TRIM66: variants seen among roughly 807,000 people sequenced by gnomAD.
TRIM66 encodes tripartite motif containing 66.
TRIM66 carries 99 observed loss-of-function variants against 148.2 expected under a neutral mutation model. The observed-to-expected ratio is 0.67, with a 90% CI of 0.57 to 0.79. The LOEUF is 0.79. Among genes scored for constraint, TRIM66 ranks in the 30% least tolerant of loss-of-function variants. The pLI, the probability that TRIM66 is intolerant of heterozygous loss-of-function variation, is 0.00. For missense variants in TRIM66, 1,666 were observed against 1,697.9 expected (o/e 0.98, Z 0.33); for synonymous variants, 616 against 635.9 (o/e 0.97, Z 0.47).
intron 3 of TRIM66, among the ~76,000 whole-genome samples, chr11:8,677,920 T>A (rs1008399772): frequency 6.6e-6 from 1 of 152,202 alleles, no homozygotes; most frequent in South Asian, 2.1e-4. Context: ...ATTAGATTAT[T>A]TTTACTTTGT....
At position 8,641,039 on chromosome 11, in the gene TRIM66, C is replaced by T; in HGVS notation, c.1336G>A (p.Glu446Lys). 6.4e-7 allele frequency: 1 copy of T among 1,551,662 alleles called. No homozygotes were observed. Among genetic ancestry groups the T allele is most frequent in the Non-Finnish European group, 8.7e-7 (1 of 1,146,992 alleles). Residue 446 changes from glutamate (E) to lysine (K), a missense_variant, in exon 14 of 25, where the codon GAG becomes AAG. This residue lies in a region of TRIM66 where 1,431 missense variants were observed against 1,412.4 expected (regional missense o/e 1.01). Transcript: ENST00000646038. The stretch of plus-strand genomic sequence containing the variant: ...TTGTGTGAGGGGTGGCTAAGAGCCT[C>T]TTGCTGAGCCACTGGAGACTGGTGG... Reference protein sequence around the residue: ...QSHQSPVAQQEALSHPSHKFQ... With the variant: ...QSHQSPVAQQKALSHPSHKFQ...
chr11:8,681,262 T>G (rs55931237), intron 1 of TRIM66, among the ~76,000 whole-genome samples: 4,369 of 151,612 alleles, frequency 0.029, 212 homozygotes, highest in African/African-American at 0.1. Flanking sequence ...GCCTCCCGAG[T>G]AGCTGGGACT....
At chr11:8,627,816 G>A (rs541445569) in intron 15 of TRIM66, among the ~76,000 whole-genome samples, 1 of 152,224 alleles carries the variant, frequency 6.6e-6, no homozygotes, top group African/African-American at 2.4e-5. Flanking sequence ...GTGCATCCAT[G>A]AATAGTAAGT....
Position 8,617,733 on chromosome 11 carries a change from C to A in TRIM66, c.*211G>T. ...CTCTGGTAATAATAAATACCTTCCTCTTTCCTGTTTATTACTGAAATCTTC... is the reference window on the plus strand; with the variant it reads ...CTCTGGTAATAATAAATACCTTCCTATTTCCTGTTTATTACTGAAATCTTC... On this transcript the variant is annotated 3_prime_UTR_variant, in exon 25 of 25. Transcript: ENST00000646038. 1 of 553,666 alleles carries A rather than the reference C, an allele frequency of 1.8e-6. No homozygotes were observed. The highest frequency in any genetic ancestry group is 2.8e-5 in the East Asian group (1 of 35,170). 34.3% of individuals were successfully genotyped at this position (553,666 alleles called of 1,614,324 possible).
At chr11:8,680,308 A>G (rs2039351043) in intron 1 of TRIM66, among the ~76,000 whole-genome samples, 1 of 152,220 alleles carries the variant, frequency 6.6e-6, no homozygotes, top group African/African-American at 2.4e-5. Flanking sequence ...TGATCAAGTA[A>G]AAGAATGAAA....
chr11:8,670,106 G>A (rs978831936), intron 6 of TRIM66, among the ~76,000 whole-genome samples: 2 of 151,142 alleles, frequency 1.3e-5, no homozygotes, highest in African/African-American at 4.9e-5. Context: ...TCCACCTCCT[G>A]GGTTCAAGTG....
intron 4 of TRIM66, among the ~76,000 whole-genome samples, chr11:8,673,149 C>T (rs572602704): frequency 1.4e-5 from 2 of 147,664 alleles, no homozygotes; most frequent in South Asian, 2.2e-4. Context: ...ACCGTGGTCT[C>T]GATCTCCTGA....
In TRIM66 at chr11:8,652,009, C is replaced by T. The variant is rs530417449; in HGVS notation, c.341-106G>A. The T allele has an allele frequency of 1.9e-5, 16 of 841,824 alleles. No homozygotes were observed. In the African/African-American group the frequency reaches 2.4e-4, roughly 13 times the overall value. 52.1% of individuals were successfully genotyped at this position (841,824 alleles called of 1,614,324 possible). A position where few individuals can be genotyped will look rare whatever the true frequency, so the allele number is the denominator to read the frequency against. ...ACAACACCAAGATACATGGCAATAC[C>T]CATGTGTGCCAAAATGAACTACACT... On this transcript the variant is annotated intron_variant, in intron 6 of 24. Coordinates refer to ENST00000646038, the MANE Select transcript of TRIM66 (RefSeq NM_001388022.1).
chr11:8,617,260 C>T lies in TRIM66; in HGVS notation c.*684G>A, dbSNP rs978610824. 6.6e-6 allele frequency: 1 copy of T among 152,594 alleles called. No individual in the cohort carries two copies. The highest frequency in any genetic ancestry group is 1.5e-5 in the Non-Finnish European group (1 of 68,142). The allele number at this position is 152,594 out of a possible 1,614,324, so 9.5% of individuals were successfully genotyped here. The stretch of plus-strand genomic sequence containing the variant: ...AAGTGGTCTCTCCACAGCCACCCAG[C>T]TCAGTCAAGAATGTCACACCATCCA... On this transcript the variant is annotated 3_prime_UTR_variant, in exon 25 of 25. Transcript: ENST00000646038.
chr11:8,667,257 A>G (rs1327495048), intron 6 of TRIM66, among the ~76,000 whole-genome samples: 1 of 152,218 alleles, frequency 6.6e-6, no homozygotes, highest in African/African-American at 2.4e-5. Context: ...CCTAGAAGAA[A>G]ACAGAGGGGA....
In TRIM66 at chr11:8,613,207, C is replaced by G. The variant is rs977099683; in HGVS notation, c.*4737G>C. On this transcript the variant is annotated 3_prime_UTR_variant, in exon 25 of 25. Transcript: ENST00000646038. Reference sequence around the variant, plus strand: ...AGACCACAGACAGCCACAGACATTTCCCCCATCTAGGTTTCAAGGACAGCT... The same window carrying G: ...AGACCACAGACAGCCACAGACATTTGCCCCATCTAGGTTTCAAGGACAGCT... 3.3e-5 allele frequency: 5 copies of G among 152,200 alleles called. No individual in the cohort carries two copies. Among genetic ancestry groups the G allele is most frequent in the African/African-American group, 1.2e-4 (5 of 41,432 alleles). The allele number at this position is 152,200 out of a possible 1,614,324, so 9.4% of individuals were successfully genotyped here.
In TRIM66 at chr11:8,621,272, C is replaced by T; in HGVS notation, c.3305G>A (p.Gly1102Glu). ...SEATQAPGLE[G>E]RKVTVTSLAG... is the part of the protein sequence containing the mutation. Reference sequence around the variant, plus strand: ...CAAAGAAGTGACAGTGACCTTTCTTCCCTCCAGACCTGGGGCCTGGGTGGC... The same window carrying T: ...CAAAGAAGTGACAGTGACCTTTCTTTCCTCCAGACCTGGGGCCTGGGTGGC... The change falls in exon 20 of 25, where the codon GGA becomes GAA. Residue 1102 changes from glycine (G) to glutamate (E), a missense_variant. Physicochemically the swap from Gly to Glu is moderately conservative, Grantham distance 98. Transcript: ENST00000646038. 1.3e-6 allele frequency: 2 copies of T among 1,551,682 alleles called. No individual in the cohort carries two copies. The highest frequency in any genetic ancestry group is 1.7e-6 in the Non-Finnish European group (2 of 1,146,984).
rs756850836 is a variant in TRIM66, at chr11:8,618,894, C to T, written c.3975G>A (p.Pro1325=). 46 of 1,551,250 alleles carry T rather than the reference C, an allele frequency of 3.0e-5. No homozygotes were observed. Among genetic ancestry groups the T allele is most frequent in the South Asian group, 8.3e-5 (7 of 84,054 alleles). ...GCCTTGGCTGGGCAAACCGTTTCTC[C>T]GGGTAGATCTCCTTCAACCAGCCCT... ...FFEGWLKEIY[P]EKRFAQPRQE... Residue 1325 remains proline (P), a synonymous_variant, in exon 24 of 25, where the codon CCG becomes CCA. Coordinates refer to ENST00000646038, the MANE Select transcript of TRIM66 (RefSeq NM_001388022.1).
chr11:8,624,282 CCT>C (rs2034593922), intron 17 of TRIM66, 75 bp downstream of exon 17: 1 of 1,464,238 alleles, frequency 6.8e-7, no homozygotes, highest in Non-Finnish European at 9.2e-7. Context: ...TGTCTGCTGG[CCT>C]CTCTTACCTA....
At chr11:8,621,479 C>T (rs2034207794) in intron 19 of TRIM66, among the ~76,000 whole-genome samples, 158 bp from the exon 20 acceptor site, 1 of 152,174 alleles carries the variant, frequency 6.6e-6, no homozygotes, top group South Asian at 2.1e-4. Context: ...CACCTCACTC[C>T]TAATATGCAT....
intron 8 of TRIM66, among the ~76,000 whole-genome samples, chr11:8,649,086 C>T (rs888869371): frequency 6.6e-6 from 1 of 152,228 alleles, no homozygotes; most frequent in African/African-American, 2.4e-5. Flanking sequence ...CGCCTGTAAT[C>T]GCAGCACTTT....
At chr11:8,682,733 G>T, upstream of TRIM66, 1 of 1,571,468 alleles carries the variant, frequency 6.4e-7, no homozygotes, top group Non-Finnish European at 8.8e-7. Flanking sequence ...GTGACCGGAA[G>T]TGAGGCGTTT....
At chr11:8,662,632 C>T (rs1240637209) in intron 6 of TRIM66, among the ~76,000 whole-genome samples, 1 of 152,188 alleles carries the variant, frequency 6.6e-6, no homozygotes, top group Non-Finnish European at 1.5e-5. Flanking sequence ...TGACTTCCAG[C>T]TACATCCTCA....
At chr11:8,622,677 AGGTTGAGG>A (rs1329868893) in intron 18 of TRIM66, 131 bp downstream of exon 18, 16 of 739,756 alleles carry the variant, frequency 2.2e-5, no homozygotes, top group Non-Finnish European at 3.5e-5. Flanking sequence ...ATCCACTTGA[AGGTTGAGG>A]GGTTGAGGAA....
Sources: allele counts gnomAD v4.1 joint callset (sites outside exome capture counted in the v4.1 genomes callset), GRCh38; gene constraint gnomAD v4.1.1; regional missense constraint gnomAD v4.1.1; transcripts MANE v1.5; gene names NCBI Gene and HGNC (gene_info 2026-07-23, HGNC 2026-07-21).